The following THADA variants were observed in gnomAD, a reference collection of about 807,000 sequenced individuals.
THADA encodes tRNA (32-2'-O)-methyltransferase regulator THADA.
THADA carries 213 observed loss-of-function variants against 219.8 expected under a neutral mutation model. The observed-to-expected ratio is 0.97, with a 90% confidence interval of 0.87 to 1.09. The LOEUF is 1.09. Ranked by LOEUF, THADA falls within the 50% of genes least tolerant of loss-of-function variation. The probability of loss-of-function intolerance (pLI) is 0.00; values close to 1 mark genes in which losing one functional copy is unlikely to be tolerated. For synonymous variants in THADA, 1,018 were observed against 828.9 expected, an observed-to-expected ratio of 1.23 and a Z score of -3.92; for missense variants, 2,956 against 2,311.3, an observed-to-expected ratio of 1.28 and a Z score of -5.72.
intron 31 of THADA, among the ~76,000 whole-genome samples, chr2:43,319,070 G>C (rs1008389110): frequency 6.6e-6 from 1 of 152,116 alleles, no homozygotes; most frequent in Non-Finnish European, 1.5e-5. Flanking sequence ...ACATAGGCAG[G>C]GAAGTATTAC....
chr2:43,260,657 G>C (rs2104201802), intron 36 of THADA, among the ~76,000 whole-genome samples: 1 of 152,298 alleles, frequency 6.6e-6, no homozygotes, highest in Middle Eastern at 3.4e-3. Context: ...AACGTATTTA[G>C]AAGACTGTGC....
chr2:43,279,188 T>TATACGACGGCTGCGACCTC (rs1558508045), intron 36 of THADA, among the ~76,000 whole-genome samples: 2 of 152,202 alleles, frequency 1.3e-5, no homozygotes. Flanking sequence ...TGTAACCGCT[T>TATACGACGGCTGCGACCTC]ATACGACGGC....
intron 30 of THADA, among the ~76,000 whole-genome samples, chr2:43,340,935 A>G (rs921925593): frequency 2.6e-5 from 4 of 152,200 alleles, no homozygotes; most frequent in African/African-American, 9.7e-5. Flanking sequence ...CAGGGCAGGC[A>G]TGTGACACCG....
At chr2:43,292,332 G>T in intron 32 of THADA, 110 bp from the exon 33 acceptor site, 1 of 679,434 alleles carries the variant, frequency 1.5e-6, no homozygotes, top group Non-Finnish European at 2.4e-6. Flanking sequence ...CTTTCAAAAG[G>T]CTCCCACTGA....
intron 26 of THADA, among the ~76,000 whole-genome samples, chr2:43,480,753 G>C (rs1036278854): frequency 2.0e-5 from 3 of 151,676 alleles, no homozygotes; most frequent in Non-Finnish European, 4.4e-5. Context: ...GGGAGGCAGA[G>C]GTTGCAGTGA....
intron 26 of THADA, among the ~76,000 whole-genome samples, chr2:43,470,225 AAG>A: frequency 6.9e-6 from 1 of 145,418 alleles, no homozygotes. Flanking sequence ...AAAAAAAAAA[AAG>A]AAAGAAGGAA....
intron 22 of THADA, among the ~76,000 whole-genome samples, chr2:43,524,709 T>C (rs907830187): frequency 2.0e-5 from 3 of 152,310 alleles, no homozygotes; most frequent in South Asian, 2.1e-4. Context: ...TCTAAAGGGA[T>C]CAAGAACTAC....
intron 24 of THADA, among the ~76,000 whole-genome samples, chr2:43,505,352 A>C (rs1269159260): frequency 6.6e-6 from 1 of 152,204 alleles, no homozygotes; most frequent in Non-Finnish European, 1.5e-5. Context: ...AAAACTATTC[A>C]AACAAGCTTC....
At chr2:43,552,442 CT>C in intron 17 of THADA, 103 bp from the exon 18 acceptor site, 2 of 1,226,684 alleles carry the variant, frequency 1.6e-6, no homozygotes, top group South Asian at 1.6e-5. Flanking sequence ...CTCAAATGAA[CT>C]TTACACTAGA....
At chr2:43,461,410 G>A (rs1405275123) in intron 26 of THADA, among the ~76,000 whole-genome samples, 1 of 152,120 alleles carries the variant, frequency 6.6e-6, no homozygotes, top group Non-Finnish European at 1.5e-5. Context: ...ACTAAAAAAT[G>A]ATTTTTGAAA....
In THADA at chr2:43,571,842, G is replaced by A. The variant is rs762460146; in HGVS notation, c.1929C>T (p.Gly643=). 1.2e-6 allele frequency: 2 copies of A among 1,613,790 alleles called. No individual in the cohort carries two copies. The highest frequency in any genetic ancestry group is 2.2e-5 in the South Asian group (2 of 91,080). Residue 643 remains glycine (G), a synonymous_variant, in exon 13 of 38, where the codon GGC becomes GGT. Transcript: ENST00000405975. ...TGCTCCGATTACTTTCACAAAGCAA[G>A]CCTAATGTATCTATCCTTACCTAAA... The part of the protein sequence containing the change: ...QHCQVRIDTL[G]LLCESNRSTE...
chr2:43,437,086 C>G (rs1008080602), intron 26 of THADA, among the ~76,000 whole-genome samples: 1 of 152,152 alleles, frequency 6.6e-6, no homozygotes, highest in Non-Finnish European at 1.5e-5. Context: ...TTGGTTACTC[C>G]TGCTATAAGA....
chr2:43,561,630 A>T (rs1284995178), intron 15 of THADA, among the ~76,000 whole-genome samples: 1 of 152,266 alleles, frequency 6.6e-6, no homozygotes, highest in Non-Finnish European at 1.5e-5. Flanking sequence ...TTAATTTACA[A>T]GTTAGAACAA....
chr2:43,249,216 T>G (rs1669567928), intron 36 of THADA, among the ~76,000 whole-genome samples: 1 of 151,960 alleles, frequency 6.6e-6, no homozygotes, highest in Non-Finnish European at 1.5e-5. Flanking sequence ...GTCTCCTGAG[T>G]AACTGGAACT....
intron 26 of THADA, among the ~76,000 whole-genome samples, chr2:43,451,869 G>A (rs1388997569): frequency 1.3e-5 from 2 of 152,222 alleles, no homozygotes; most frequent in African/African-American, 4.8e-5. Context: ...CACTTCGGGA[G>A]GCTGAGGCAG....
At chr2:43,365,602 CA>C (rs1670052691) in intron 29 of THADA, among the ~76,000 whole-genome samples, 1 of 151,706 alleles carries the variant, frequency 6.6e-6, no homozygotes, top group Non-Finnish European at 1.5e-5. Flanking sequence ...CACACACGCA[CA>C]AAATGCAGAC....
Position 43,596,015 on chromosome 2 carries a change from T to G in THADA, c.-109A>C, listed in dbSNP as rs565278017. ...TCTCCTTCTACGGCGTCTCCGAGGC[T>G]CGCAGCGCGGTCCACGGTCGACTAC... On this transcript the variant is annotated 5_prime_UTR_variant, in exon 1 of 38. Transcript: ENST00000405975. The G allele has an allele frequency of 5.9e-5, 9 of 152,284 alleles. No individual in the cohort carries two copies. Among genetic ancestry groups the G allele is most frequent in the African/African-American group, 2.2e-4 (9 of 41,422 alleles). The allele number at this position is 152,284 out of a possible 1,614,324, so 9.4% of individuals were successfully genotyped here. A position where few individuals can be genotyped will look rare whatever the true frequency, so the allele number is the denominator to read the frequency against.
chr2:43,402,231 C>G (rs1043592139), intron 28 of THADA, among the ~76,000 whole-genome samples: 3 of 152,104 alleles, frequency 2.0e-5, no homozygotes. Flanking sequence ...AGGGAACCAC[C>G]AGCTTAGAGG....
chr2:43,515,350 T>A lies in THADA; in HGVS notation c.3375-6570A>T, dbSNP rs78733520. On this transcript the variant is annotated intron_variant, in intron 22 of 37. Coordinates refer to ENST00000405975, the MANE Select transcript of THADA (RefSeq NM_022065.5). ...TAATATATAATATAATATATAATAT[T>A]TTATATATAATATATAATATATAAT... 2.6e-3 allele frequency among the ~76,000 whole-genome samples: 59 copies of A among 22,366 alleles called. 1 individual carries two copies. Among genetic ancestry groups the A allele is most frequent in the East Asian group, 0.025 (47 of 1,858 alleles). The allele number at this position is 22,366 out of a possible 152,430, so 14.7% of individuals were successfully genotyped here.
Sources: gnomAD v4.1 joint callset for allele counts (sites outside exome capture counted in the v4.1 genomes callset) on GRCh38, gnomAD v4.1.1 for gene constraint, MANE v1.5 for transcripts, NCBI Gene and HGNC (gene_info 2026-07-23, HGNC 2026-07-21) for gene names.